Variants in GPR176 observed in about 807,000 individuals in gnomAD.
The protein encoded by GPR176 is G protein-coupled receptor 176.
GPR176 carries 26 observed loss-of-function variants against 35.4 expected under a neutral mutation model. That is an observed-to-expected ratio of 0.74 (90% CI 0.54 to 1.02). GPR176 has a LOEUF of 1.02. Ranked by LOEUF, GPR176 falls within the 50% of genes least tolerant of loss-of-function variation. The probability of loss-of-function intolerance (pLI) is 0.00; values close to 1 mark genes in which losing one functional copy is unlikely to be tolerated. For missense variants in GPR176, 597 were observed against 665.3 expected, an observed-to-expected ratio of 0.90 and a Z score of 1.13; for synonymous variants, 278 against 271.3, an observed-to-expected ratio of 1.02 and a Z score of -0.24.
intron 1 of GPR176, among the ~76,000 whole-genome samples, chr15:39,838,157 T>G (rs1046797532): frequency 6.6e-6 from 1 of 152,024 alleles, no homozygotes; most frequent in African/African-American, 2.4e-5. Flanking sequence ...ATATGCTGGG[T>G]TTTTCAATAA....
chr15:39,817,068 C>CA lies in GPR176; in HGVS notation c.173-9811dup, dbSNP rs58812005. Among the ~76,000 whole-genome samples, 92 of 77,276 alleles carry CA rather than the reference C, an allele frequency of 1.2e-3. 2 individuals carry two copies. Among genetic ancestry groups the CA allele is most frequent in the Admixed American group, 3.7e-3 (22 of 5,990 alleles). The allele number at this position is 77,276 out of a possible 152,430, so 50.7% of individuals were successfully genotyped here. On this transcript the variant is annotated intron_variant, in intron 1 of 2. Transcript: ENST00000561100. ...TTGGTAACAGAGCAGGATTCTGTCT[C>CA]AAAAAAAAAAAAAAAGCTTTGAAAA...
At position 39,846,932 on chromosome 15, in the gene GPR176, C is replaced by CA. The variant is rs956778911; in HGVS notation, c.173-39675dup. Among the ~76,000 whole-genome samples the CA allele has an allele frequency of 1.3e-5, 2 of 151,826 alleles. 1 individual carries two copies. Among genetic ancestry groups the CA allele is most frequent in the Admixed American group, 1.3e-4 (2 of 15,260 alleles). On this transcript the variant is annotated intron_variant, in intron 1 of 2. Coordinates refer to ENST00000561100, the MANE Select transcript of GPR176 (RefSeq NM_007223.3). ...TCTAAATTATGTTTAATAAATGAAGCAAAAAATTGTAACACTGTCTAATGT... is the reference window on the plus strand; with the variant it reads ...TCTAAATTATGTTTAATAAATGAAGCAAAAAAATTGTAACACTGTCTAATGT...
intron 1 of GPR176, among the ~76,000 whole-genome samples, chr15:39,823,642 C>G (rs1049314290): frequency 2.0e-5 from 3 of 152,196 alleles, no homozygotes; most frequent in Non-Finnish European, 4.4e-5. Flanking sequence ...ACCAGACCAA[C>G]AATTTTAACA....
chr15:39,834,869 T>A (rs1213341463), intron 1 of GPR176, among the ~76,000 whole-genome samples: 1 of 152,014 alleles, frequency 6.6e-6, no homozygotes, highest in Non-Finnish European at 1.5e-5. Flanking sequence ...TGATAGACAA[T>A]GGGTGATTAT....
intron 1 of GPR176, among the ~76,000 whole-genome samples, chr15:39,871,720 T>A (rs1223727919): frequency 6.6e-6 from 1 of 152,050 alleles, no homozygotes; most frequent in East Asian, 1.9e-4. Context: ...AACTCAAGAG[T>A]ATCTGCACGA....
At chr15:39,909,157 A>C (rs956391006) in intron 1 of GPR176, among the ~76,000 whole-genome samples, 1 of 152,182 alleles carries the variant, frequency 6.6e-6, no homozygotes, top group African/African-American at 2.4e-5. Flanking sequence ...TCTGCCCAAC[A>C]GATGTTCCCA....
chr15:39,871,314 G>C (rs2032033069), intron 1 of GPR176, among the ~76,000 whole-genome samples: 2 of 152,140 alleles, frequency 1.3e-5, no homozygotes. Flanking sequence ...TAATGGAGCA[G>C]TCAAAAAATA....
Position 39,872,612 on chromosome 15 carries a change from G to A in GPR176, c.172+47243C>T, listed in dbSNP as rs142029285. 9.2e-5 allele frequency among the ~76,000 whole-genome samples: 14 copies of A among 152,242 alleles called. No homozygotes were observed. In the East Asian group the frequency reaches 2.7e-3, roughly 29 times the overall value. ...GGCTGGGTAATTTACAAGAAAAGAG[G>A]TTTAATTGGCTCACAGTTCTGCAGG... On this transcript the variant is annotated intron_variant, in intron 1 of 2. Transcript: ENST00000561100.
chr15:39,862,513 C>A (rs1347681284), intron 1 of GPR176: 3 of 152,186 alleles, frequency 2.0e-5, no homozygotes, highest in African/African-American at 7.2e-5. Context: ...TGCAACAATT[C>A]TATAAATACA....
intron 1 of GPR176, among the ~76,000 whole-genome samples, chr15:39,847,651 G>T (rs1340869392): frequency 6.9e-6 from 1 of 144,996 alleles, no homozygotes; most frequent in Non-Finnish European, 1.5e-5. Context: ...GCTGAGGCAT[G>T]AGAATTCTTT....
At chr15:39,882,942 A>T (rs1427469241) in intron 1 of GPR176, among the ~76,000 whole-genome samples, 1 of 152,250 alleles carries the variant, frequency 6.6e-6, no homozygotes, top group Non-Finnish European at 1.5e-5. Context: ...AATGTCGGCA[A>T]TGCAGTTAGT....
chr15:39,871,282 T>G (rs956039908), intron 1 of GPR176, among the ~76,000 whole-genome samples: 1 of 152,098 alleles, frequency 6.6e-6, no homozygotes, highest in Non-Finnish European at 1.5e-5. Flanking sequence ...CCAAAACAGA[T>G]GAAGAACACC....
At chr15:39,894,298 C>G (rs7172204) in intron 1 of GPR176, among the ~76,000 whole-genome samples, 226 of 120,444 alleles carry the variant, frequency 1.9e-3, no homozygotes, top group African/African-American at 5.9e-3. Flanking sequence ...GGGCGGCTGG[C>G]CGGGCGGGGG....
At chr15:39,860,865 G>T (rs2031544544) in intron 1 of GPR176, 1 of 152,154 alleles carries the variant, frequency 6.6e-6, no homozygotes. Context: ...ATGGTGCTGG[G>T]CGCCTTGGAA....
At chr15:39,852,102 G>A (rs895623223) in intron 1 of GPR176, among the ~76,000 whole-genome samples, 2 of 152,108 alleles carry the variant, frequency 1.3e-5, no homozygotes, top group South Asian at 4.1e-4. Context: ...TTCTGGTCTA[G>A]TGTTTCCTGC....
At position 39,807,239 on chromosome 15, in the gene GPR176, C is replaced by G; in HGVS notation, c.192G>C (p.Trp64Cys). ...TGAACACGGTTGTGCGGCAAGTTGA[C>G]CATAACACCATGAAGTTTCCTGGTC... is the stretch of plus-strand genomic sequence containing the variant. ...GSLLGNFMVLWSTCRTTVFKS... is the reference protein window; with the variant it reads ...GSLLGNFMVLCSTCRTTVFKS... Residue 64 changes from tryptophan (W) to cysteine (C), a missense_variant, in exon 2 of 3, where the codon TGG (tryptophan) becomes TGC (cysteine). Transcript: ENST00000561100. 1 of 1,580,248 alleles carries G rather than the reference C, an allele frequency of 6.3e-7. No homozygotes were observed. Among genetic ancestry groups the G allele is most frequent in the Non-Finnish European group, 8.6e-7 (1 of 1,164,262 alleles).
intron 1 of GPR176, among the ~76,000 whole-genome samples, chr15:39,870,401 C>CAA: frequency 6.6e-6 from 1 of 152,298 alleles, no homozygotes; most frequent in African/African-American, 2.4e-5. Flanking sequence ...CTATTCCCTT[C>CAA]AAGAGAGCAG....
chr15:39,916,988 T>C (rs2033742044), intron 1 of GPR176, among the ~76,000 whole-genome samples: 1 of 152,138 alleles, frequency 6.6e-6, no homozygotes, highest in Admixed American at 6.5e-5. Context: ...GAATCAAGAA[T>C]ACCAGTACGT....
chr15:39,879,299 G>A (rs868193490), intron 1 of GPR176, among the ~76,000 whole-genome samples: 4 of 152,180 alleles, frequency 2.6e-5, no homozygotes, highest in Admixed American at 2.6e-4. Flanking sequence ...GGGTGTTGCT[G>A]CTTGGGAGCC....
Sources: gnomAD v4.1 joint callset for allele counts (sites outside exome capture counted in the v4.1 genomes callset) on GRCh38, gnomAD v4.1.1 for gene constraint, MANE v1.5 for transcripts, NCBI Gene and HGNC (gene_info 2026-07-23, HGNC 2026-07-21) for gene names.